ERGIC2: variants seen among roughly 807,000 people sequenced by gnomAD.
ERGIC2 encodes endoplasmic reticulum-Golgi intermediate compartment protein 2.
Under a neutral mutation model 52.5 loss-of-function variants are expected in ERGIC2, and 31 were observed. The ratio of observed to expected loss-of-function variants is 0.59; its 90% CI spans 0.44 to 0.80. ERGIC2 has a LOEUF of 0.80. Ranked by LOEUF, ERGIC2 falls within the 30% of genes least tolerant of loss-of-function variation. ERGIC2 has a pLI of 0.00. For missense variants in ERGIC2, 395 were observed against 455.2 expected (o/e 0.87, Z 1.20); for synonymous variants, 129 against 140.6 (o/e 0.92, Z 0.58).
chr12:29,361,254 A>C (rs576855162), intron 6 of ERGIC2, among the ~76,000 whole-genome samples: 23 of 152,306 alleles, frequency 1.5e-4, no homozygotes, highest in African/African-American at 5.3e-4. Flanking sequence ...CTGTCTCAAA[A>C]AAAAAAGAAG....
In ERGIC2 at chr12:29,348,096, T is replaced by C. The variant is rs79131674; in HGVS notation, c.727+983A>G. Among the ~76,000 whole-genome samples the C allele has an allele frequency of 4.6e-3, 700 of 152,290 alleles. 5 individuals carry two copies. Among genetic ancestry groups the C allele is most frequent in the African/African-American group, 0.015 (634 of 41,574 alleles). On this transcript the variant is annotated intron_variant, in intron 10 of 13. Transcript: ENST00000360150. ...AGATTAGATTATACTGACTAAAGCT[T>C]ATAAATCTCAAAATGTTTCCATCCA... is the stretch of plus-strand genomic sequence containing the variant.
chr12:29,368,162 C>A, intron 4 of ERGIC2, 79 bp downstream of exon 4: 1 of 850,890 alleles, frequency 1.2e-6, no homozygotes, highest in Admixed American at 2.0e-5. Flanking sequence ...TAAAGTACAA[C>A]CAGTGATTTT....
chr12:29,363,791 T>C lies in ERGIC2; in HGVS notation c.334-2106A>G, dbSNP rs575875694. Among the ~76,000 whole-genome samples the C allele has an allele frequency of 1.3e-4, 18 of 139,278 alleles. No individual in the cohort carries two copies. The South Asian group carries it at 3.3e-3, about 25-fold the overall frequency. 91.4% of individuals were successfully genotyped at this position (139,278 alleles called of 152,430 possible). On this transcript the variant is annotated intron_variant, in intron 5 of 13. Coordinates refer to ENST00000360150, the MANE Select transcript of ERGIC2 (RefSeq NM_016570.3). Reference sequence around the variant, plus strand: ...AAAATCCAGCTAGAAAGATAAGAGATGTAGGGGGAAAAAAAAAGATAGCAT... The same window carrying C: ...AAAATCCAGCTAGAAAGATAAGAGACGTAGGGGGAAAAAAAAAGATAGCAT...
intron 5 of ERGIC2, among the ~76,000 whole-genome samples, chr12:29,362,445 T>C (rs1295347506): frequency 1.3e-5 from 2 of 151,816 alleles, no homozygotes; most frequent in African/African-American, 4.8e-5. Context: ...TGTACTAAAA[T>C]ACAAAAAATC....
At chr12:29,353,844 T>C (rs992424711) in intron 8 of ERGIC2, among the ~76,000 whole-genome samples, 1 of 152,054 alleles carries the variant, frequency 6.6e-6, no homozygotes, top group African/African-American at 2.4e-5. Flanking sequence ...CAGATGACTG[T>C]AGTTATCTGA....
In ERGIC2 at chr12:29,362,583, G is replaced by C. The variant is rs192258186; in HGVS notation, c.334-898C>G. Among the ~76,000 whole-genome samples the C allele has an allele frequency of 2.5e-4, 36 of 143,544 alleles. No individual in the cohort carries two copies. In the East Asian group the frequency reaches 6.8e-3, roughly 27 times the overall value. 94.2% of individuals were successfully genotyped at this position (143,544 alleles called of 152,430 possible). On this transcript the variant is annotated intron_variant, in intron 5 of 13. Coordinates refer to ENST00000360150, the MANE Select transcript of ERGIC2 (RefSeq NM_016570.3). ...ATGCACTCAGTCTGGGACACAAAGT[G>C]AAACTCCGTTTCAAAAAAAAAAAAA...
chr12:29,374,003 T>G (rs1940479831), intron 1 of ERGIC2, among the ~76,000 whole-genome samples: 1 of 152,186 alleles, frequency 6.6e-6, no homozygotes, highest in Non-Finnish European at 1.5e-5. Context: ...CTTTCTGATT[T>G]GAGTAAAATA....
intron 1 of ERGIC2, among the ~76,000 whole-genome samples, chr12:29,373,754 T>C (rs752790947): frequency 2.6e-4 from 40 of 152,156 alleles, no homozygotes; most frequent in Non-Finnish European, 4.9e-4. Flanking sequence ...TTTTTTCCCA[T>C]GCACTTAGTA....
chr12:29,375,129 G>C (rs1940497662), intron 1 of ERGIC2, among the ~76,000 whole-genome samples: 1 of 151,878 alleles, frequency 6.6e-6, no homozygotes, highest in Non-Finnish European at 1.5e-5. Context: ...CTCTACATTT[G>C]ACTAACTCCT....
chr12:29,340,824 T>A lies in ERGIC2; in HGVS notation c.*332A>T, dbSNP rs1370549888. 4.5e-6 allele frequency: 2 copies of A among 444,260 alleles called. No individual in the cohort carries two copies. The highest frequency in any genetic ancestry group is 3.3e-4 in the Middle Eastern group (1 of 2,998). 27.5% of individuals were successfully genotyped at this position (444,260 alleles called of 1,614,324 possible). On this transcript the variant is annotated 3_prime_UTR_variant, in exon 14 of 14. Coordinates refer to ENST00000360150, the MANE Select transcript of ERGIC2 (RefSeq NM_016570.3). ...TTCCCATAGATGTAGTTTCACTTAT[T>A]TCCTTCAGGCTTTTTATCAGCAAGA... is the stretch of plus-strand genomic sequence containing the variant.
intron 2 of ERGIC2, among the ~76,000 whole-genome samples, chr12:29,370,668 G>C (rs1940428911): frequency 6.6e-6 from 1 of 151,482 alleles, no homozygotes; most frequent in South Asian, 2.1e-4. Flanking sequence ...ATATAAATTG[G>C]GCTATAAGCC....
intron 12 of ERGIC2, among the ~76,000 whole-genome samples, chr12:29,342,545 C>T (rs1949847182): frequency 6.6e-6 from 1 of 152,146 alleles, no homozygotes; most frequent in Admixed American, 6.5e-5. Flanking sequence ...CTCTATTGTA[C>T]TTAACTCCCA....
At chr12:29,363,988 ACCTTTATTAT>A in intron 5 of ERGIC2, among the ~76,000 whole-genome samples, 1 of 152,270 alleles carries the variant, frequency 6.6e-6, no homozygotes, top group Non-Finnish European at 1.5e-5. Flanking sequence ...TGAGGATGCA[ACCTTTATTAT>A]CATCTTAAAT....
At chr12:29,361,242 C>G (rs548789399) in intron 6 of ERGIC2, among the ~76,000 whole-genome samples, 1 of 152,010 alleles carries the variant, frequency 6.6e-6, no homozygotes, top group African/African-American at 2.4e-5. Flanking sequence ...CAGAGTGAGA[C>G]TCTGTCTCAA....
chr12:29,360,545 T>C (rs4931174), intron 6 of ERGIC2, among the ~76,000 whole-genome samples: 44,346 of 147,196 alleles, frequency 0.3, 8,426 homozygotes, highest in Admixed American at 0.45. Flanking sequence ...ATATAAACTT[T>C]TATATATTAT....
chr12:29,374,246 C>T (rs2136882012), intron 1 of ERGIC2, among the ~76,000 whole-genome samples: 1 of 152,332 alleles, frequency 6.6e-6, no homozygotes, highest in East Asian at 1.9e-4. Flanking sequence ...CCTTATCTAA[C>T]TGCACCTCTG....
Position 29,357,696 on chromosome 12 carries a change from G to A in ERGIC2, c.403C>T (p.Gln135Ter). 2 of 1,608,062 alleles carry A rather than the reference G, an allele frequency of 1.2e-6. No homozygotes were observed. The highest frequency in any genetic ancestry group is 1.7e-6 in the Non-Finnish European group (2 of 1,174,992). The change falls in exon 7 of 14, where the codon CAA becomes TAA. Residue 135 changes from glutamine (Q) to a stop codon, truncating the protein, a stop_gained. Coordinates refer to ENST00000360150, the MANE Select transcript of ERGIC2 (RefSeq NM_016570.3). LOFTEE classifies it high-confidence loss of function. ...ACATCTTGAAGTGAATGCTCTTCTT[G>A]TAGCCTACTCTGAATCAGCTGCAGC... ...RMLQLIQSRLQEEHSLQDVIF... is the reference protein window; with the variant it reads ...RMLQLIQSRL
rs777734088 is a variant in ERGIC2 at position 29,341,828 on chromosome 12, A to C, written c.989-12T>G. The C allele has an allele frequency of 7.7e-7, 1 of 1,290,656 alleles. No individual in the cohort carries two copies. The highest frequency in any genetic ancestry group is 1.1e-6 in the Non-Finnish European group (1 of 886,582). 80.0% of individuals were successfully genotyped at this position (1,290,656 alleles called of 1,614,324 possible). ...TCCATGTAACATGCCTGTAATAAAC[A>C]ATAAGTTTATGCTTTTAATTATTTC... On this transcript the variant is annotated splice_polypyrimidine_tract_variant and intron_variant, in intron 12 of 13. Coordinates refer to ENST00000360150, the MANE Select transcript of ERGIC2 (RefSeq NM_016570.3).
intron 5 of ERGIC2, 110 bp downstream of exon 5, chr12:29,366,767 A>G (rs1940368056): frequency 1.8e-6 from 1 of 557,028 alleles, no homozygotes; most frequent in South Asian, 3.5e-5. Context: ...TTTTGAAATA[A>G]AAGAATTATA....
Sources: allele counts gnomAD v4.1 joint callset (sites outside exome capture counted in the v4.1 genomes callset), GRCh38; gene constraint gnomAD v4.1.1; transcripts MANE v1.5; gene names NCBI Gene and HGNC (gene_info 2026-07-23, HGNC 2026-07-21).